RBCK1: variants seen among roughly 807,000 people sequenced by gnomAD.
RBCK1 encodes the protein RANBP2-type and C3HC4-type zinc finger containing 1.
Under a neutral mutation model 71.1 loss-of-function variants are expected in RBCK1, and 44 were observed. The ratio of observed to expected loss-of-function variants is 0.62; its 90% CI spans 0.49 to 0.80. The LOEUF (loss-of-function observed/expected upper bound fraction) is 0.80, where lower values mean the gene tolerates loss of function less well. Ranked by LOEUF, RBCK1 falls within the 30% of genes least tolerant of loss-of-function variation. The pLI is 0.00. For missense variants in RBCK1, 569 were observed against 685.0 expected, an observed-to-expected ratio of 0.83 and a Z score of 1.89; for synonymous variants, 306 against 279.7, an observed-to-expected ratio of 1.09 and a Z score of -0.94.
chr20:417,436 C>A lies in RBCK1; in HGVS notation c.168-90C>A. ...GTGTGTGTGTGTGCATGGCCATGTG[C>A]CTGTGTGCAAATATGTACATGTCTG... On this transcript the variant is annotated intron_variant, in intron 2 of 11. Coordinates refer to ENST00000356286, the MANE Select transcript of RBCK1 (RefSeq NM_031229.4). The surrounding 1 kb of genome is among the most constrained non-coding windows in gnomAD (Gnocchi z 4.7). 3.8e-6 allele frequency: 4 copies of A among 1,044,470 alleles called. No homozygotes were observed. The highest frequency in any genetic ancestry group is 6.0e-6 in the Non-Finnish European group (4 of 668,448). 64.7% of individuals were successfully genotyped at this position (1,044,470 alleles called of 1,614,324 possible). A position where few individuals can be genotyped will look rare whatever the true frequency, so the allele number is the denominator to read the frequency against.
In RBCK1 at chr20:410,812, G is replaced by T. The variant is rs532230520; in HGVS notation, c.167+787G>T. On this transcript the variant is annotated intron_variant, in intron 2 of 11. Coordinates refer to ENST00000356286, the MANE Select transcript of RBCK1 (RefSeq NM_031229.4). Reference sequence around the variant, plus strand: ...CTGGATAGTAAGGCAATAGTTTTATGGTTTCTGATTTTTGGTTCTCTTGGT... The same window carrying T: ...CTGGATAGTAAGGCAATAGTTTTATTGTTTCTGATTTTTGGTTCTCTTGGT... The T allele has an allele frequency of 1.1e-4, 41 of 378,482 alleles. No homozygotes were observed. In the South Asian group the frequency reaches 2.0e-3, roughly 18 times the overall value. The allele number at this position is 378,482 out of a possible 1,614,324, so 23.4% of individuals were successfully genotyped here.
At chr20:421,163 G>A (rs1349113992) in intron 7 of RBCK1, 132 bp downstream of exon 7, 2 of 1,155,888 alleles carry the variant, frequency 1.7e-6, no homozygotes, top group Non-Finnish European at 2.4e-6. Context: ...GGTAGGCTCC[G>A]TCTCCCCATG....
In RBCK1 at chr20:414,550, A is replaced by G. The variant is rs116989964; in HGVS notation, c.168-2976A>G. Among the ~76,000 whole-genome samples the G allele has an allele frequency of 1.6e-4, 24 of 152,334 alleles. No individual in the cohort carries two copies. The East Asian group carries it at 4.4e-3, about 28-fold the overall frequency. ...TGTTCACCAGCGATCCTGATGTCACATTGGATGAGAGAGCTCCAGCTGTAT... is the reference window on the plus strand; with the variant it reads ...TGTTCACCAGCGATCCTGATGTCACGTTGGATGAGAGAGCTCCAGCTGTAT... On this transcript the variant is annotated intron_variant, in intron 2 of 11. Transcript: ENST00000356286.
intron 8 of RBCK1, among the ~76,000 whole-genome samples, chr20:423,777 G>A (rs2016564133): frequency 6.6e-6 from 1 of 152,162 alleles, no homozygotes; most frequent in South Asian, 2.1e-4. Context: ...TGGTTCTTCT[G>A]GTCTGGGCAG....
At chr20:418,075 A>G in intron 4 of RBCK1, 145 bp downstream of exon 4, 1 of 807,838 alleles carries the variant, frequency 1.2e-6, no homozygotes, top group Non-Finnish European at 1.9e-6. Context: ...AGAGGACCTA[A>G]GACACATGGG....
At chr20:412,433 G>A (rs564263812) in intron 2 of RBCK1, among the ~76,000 whole-genome samples, 1 of 151,746 alleles carries the variant, frequency 6.6e-6, no homozygotes, top group East Asian at 1.9e-4. Flanking sequence ...TGATTCTCCT[G>A]CCCCAGCCTC....
Position 431,856 on chromosome 20 carries a change from G to A in RBCK1, c.*1426G>A, listed in dbSNP as rs567427752. Among the ~76,000 whole-genome samples the A allele has an allele frequency of 1.6e-4, 25 of 152,350 alleles. No homozygotes were observed. The highest frequency in any genetic ancestry group is 1.4e-3 in the Admixed American group (22 of 15,296). On this transcript the variant is annotated 3_prime_UTR_variant, in exon 12 of 12. Transcript: ENST00000356286. This position sits in a 1 kb window ranked among gnomAD's most constrained non-coding sequence, Gnocchi z 4.8. ...GCCCAGGCAGAACCACTGACTGGGAGGAAACAGAAAAAGCAGAGGAGAGCC... is the reference window on the plus strand; with the variant it reads ...GCCCAGGCAGAACCACTGACTGGGAAGAAACAGAAAAAGCAGAGGAGAGCC...
In RBCK1 at chr20:428,500, GAGC is replaced by G. The variant is rs1457510614; in HGVS notation, c.1222_1224del (p.Gln408del). The G allele has an allele frequency of 1.9e-6, 3 of 1,608,038 alleles. No homozygotes were observed. Among genetic ancestry groups the G allele is most frequent in the African/African-American group, 2.7e-5 (2 of 74,918 alleles). On this transcript the variant is annotated inframe_deletion, in exon 10 of 12. Transcript: ENST00000356286. The surrounding 1 kb of genome is among the most constrained non-coding windows in gnomAD (Gnocchi z 5.7). ...CCCTCACCCGCTACAGGCCATCCATGAGCAGATGAACTGCAAGGAGTATCAGGA... is the reference window on the plus strand; with the variant it reads ...CCCTCACCCGCTACAGGCCATCCATGAGATGAACTGCAAGGAGTATCAGGA...
At chr20:412,971 G>A (rs2015790673) in intron 2 of RBCK1, among the ~76,000 whole-genome samples, 1 of 152,202 alleles carries the variant, frequency 6.6e-6, no homozygotes, top group Non-Finnish European at 1.5e-5. Flanking sequence ...TATATAAGGT[G>A]TGAGGTAAGG....
chr20:421,958 C>A (rs1271920944), intron 7 of RBCK1, 169 bp from the exon 8 acceptor site: 2 of 585,014 alleles, frequency 3.4e-6, no homozygotes, highest in Admixed American at 5.9e-5. Flanking sequence ...AGGGTGGAGG[C>A]CTTGGTGATG....
chr20:418,601 T>C (rs4061743), intron 4 of RBCK1, among the ~76,000 whole-genome samples: 72,915 of 151,452 alleles, frequency 0.48, 18,046 homozygotes, highest in Non-Finnish European at 0.54. Context: ...ATCTCCTGAC[T>C]TTGTGATCCG....
chr20:411,795 G>C (rs1379816720), intron 2 of RBCK1, among the ~76,000 whole-genome samples: 1 of 152,208 alleles, frequency 6.6e-6, no homozygotes, highest in Non-Finnish European at 1.5e-5. Flanking sequence ...ACAGGTGTGA[G>C]CCACCATGCC....
chr20:425,623 A>ATTTTTTTTTT (rs200677519), intron 8 of RBCK1, among the ~76,000 whole-genome samples: 4 of 130,074 alleles, frequency 3.1e-5, no homozygotes, highest in South Asian at 2.4e-4. Flanking sequence ...TGCATGGTGT[A>ATTTTTTTTTT]TTCTTTTTTT....
In RBCK1 at chr20:422,718, C is replaced by T. The variant is rs2016512490; in HGVS notation, c.1029+480C>T. ...GTAGTCCTAGCTACTTGGGTGGGGT[C>T]TGGGATGAGTGGGCTGAGGTGGGAG... On this transcript the variant is annotated intron_variant, in intron 8 of 11. Transcript: ENST00000356286. The surrounding 1 kb of genome is among the most constrained non-coding windows in gnomAD (Gnocchi z 5.0). Among the ~76,000 whole-genome samples the T allele has an allele frequency of 6.6e-6, 1 of 151,952 alleles. No individual in the cohort carries two copies. Among genetic ancestry groups the T allele is most frequent in the Non-Finnish European group, 1.5e-5 (1 of 67,996 alleles).
rs753193765 is a variant in RBCK1 at position 417,461 on chromosome 20, G to C, written c.168-65G>C. 3.7e-4 allele frequency: 510 copies of C among 1,381,718 alleles called. No homozygotes were observed. Among genetic ancestry groups the C allele is most frequent in the South Asian group, 5.1e-4 (44 of 85,918 alleles). 85.6% of individuals were successfully genotyped at this position (1,381,718 alleles called of 1,614,324 possible). ...CCTGTGTGCAAATATGTACATGTCT[G>C]TAGCCGGTGGCTGAGGCTGGACCCC... is the stretch of plus-strand genomic sequence containing the variant. On this transcript the variant is annotated intron_variant, in intron 2 of 11. Coordinates refer to ENST00000356286, the MANE Select transcript of RBCK1 (RefSeq NM_031229.4). This position sits in a 1 kb window ranked among gnomAD's most constrained non-coding sequence, Gnocchi z 4.7.
Position 425,623 on chromosome 20 carries a change from A to ATTTTTT in RBCK1, c.1030-1688_1030-1687insTTTTTT, listed in dbSNP as rs200677519. ...CTTCAAGGAATGTTTTGCATGGTGT[A>ATTTTTT]TTCTTTTTTTTTTTTTTTTTTGAGA... On this transcript the variant is annotated intron_variant, in intron 8 of 11. Transcript: ENST00000356286. Among the ~76,000 whole-genome samples, 826 of 129,728 alleles carry ATTTTTT rather than the reference A, an allele frequency of 6.4e-3. 13 individuals are homozygous for ATTTTTT. The highest frequency in any genetic ancestry group is 7.5e-3 in the Non-Finnish European group (473 of 63,188). 85.1% of individuals were successfully genotyped at this position (129,728 alleles called of 152,430 possible).
chr20:411,565 C>T (rs1001023502), intron 2 of RBCK1, among the ~76,000 whole-genome samples: 12 of 152,128 alleles, frequency 7.9e-5, no homozygotes, highest in African/African-American at 2.4e-4. Flanking sequence ...GACGGGGTTT[C>T]GCCGTGTTAA....
intron 8 of RBCK1, among the ~76,000 whole-genome samples, chr20:425,623 A>ATTTTTTTTTTTTTTTTTTTTTT (rs200677519): frequency 7.7e-6 from 1 of 130,068 alleles, no homozygotes. Context: ...TGCATGGTGT[A>ATTTTTTTTTTTTTTTTTTTTTT]TTCTTTTTTT....
In RBCK1 at chr20:430,315, C is replaced by T. The variant is rs372045918; in HGVS notation, c.1453-35C>T. The T allele has an allele frequency of 3.0e-5, 47 of 1,552,674 alleles. No individual in the cohort carries two copies. The African/African-American group carries it at 3.3e-4, about 11-fold the overall frequency. On this transcript the variant is annotated intron_variant, in intron 11 of 11. Coordinates refer to ENST00000356286, the MANE Select transcript of RBCK1 (RefSeq NM_031229.4). This position sits in a 1 kb window ranked among gnomAD's most constrained non-coding sequence, Gnocchi z 5.6. ...GGCTGTGGGGGCAGTCTCTGCACTG[C>T]GCTGACATTCTCTTCTCTTCCTCCC... is the stretch of plus-strand genomic sequence containing the variant.
Sources: allele counts gnomAD v4.1 joint callset (sites outside exome capture counted in the v4.1 genomes callset), GRCh38; gene constraint gnomAD v4.1.1; non-coding constraint Gnocchi (gnomAD v3.1); transcripts MANE v1.5; gene names NCBI Gene and HGNC (gene_info 2026-07-23, HGNC 2026-07-21).